The following ZNF608 variants were observed in gnomAD, a reference collection of about 807,000 sequenced individuals.
ZNF608 encodes the protein renal carcinoma antigen NY-REN-36.
Under a neutral mutation model 109.0 loss-of-function variants are expected in ZNF608, and 12 were observed. The ratio of observed to expected loss-of-function variants is 0.11; its 90% CI spans 0.07 to 0.18. The LOEUF (loss-of-function observed/expected upper bound fraction) is 0.18. ZNF608 is among the 10% of genes least tolerant of loss of function. The pLI, the probability that ZNF608 is intolerant of heterozygous loss-of-function variation, is 1.00. For synonymous variants in ZNF608, 732 were observed against 717.4 expected (o/e 1.02, Z -0.33); for missense variants, 1,707 against 1,879.3 (o/e 0.91, Z 1.70).
At chr5:124,746,058 C>T (rs1749628619) in intron 1 of ZNF608, 137 bp downstream of exon 1, 1 of 939,812 alleles carries the variant, frequency 1.1e-6, no homozygotes, top group African/African-American at 1.8e-5. Flanking sequence ...CCTCAATGAC[C>T]GCAAATGAGT....
chr5:124,740,583 T>C (rs1035375355), intron 2 of ZNF608, among the ~76,000 whole-genome samples: 1 of 151,116 alleles, frequency 6.6e-6, no homozygotes, highest in Non-Finnish European at 1.5e-5. Flanking sequence ...CACACTCACT[T>C]AGAAAATGTG....
intron 3 of ZNF608, among the ~76,000 whole-genome samples, chr5:124,697,709 T>A (rs1752907745): frequency 6.6e-6 from 1 of 152,192 alleles, no homozygotes; most frequent in Admixed American, 6.5e-5. Context: ...GGGGAAAGAC[T>A]GACTAAAAGA....
intron 2 of ZNF608, chr5:124,710,755 TC>T (rs1308786021): frequency 6.5e-6 from 1 of 153,798 alleles, no homozygotes; most frequent in African/African-American, 2.4e-5. Flanking sequence ...TCATTCTGAA[TC>T]ACAGTTAAGC....
intron 3 of ZNF608, among the ~76,000 whole-genome samples, chr5:124,663,239 G>T (rs77534570): frequency 4.6e-4 from 70 of 152,242 alleles, no homozygotes; most frequent in Admixed American, 3.3e-3. Flanking sequence ...AAGGCTTTCC[G>T]GTTTTCTTTG....
intron 3 of ZNF608, among the ~76,000 whole-genome samples, chr5:124,691,386 T>C (rs993753384): frequency 1.3e-5 from 2 of 152,122 alleles, no homozygotes; most frequent in Non-Finnish European, 1.5e-5. Context: ...AGCATCACTA[T>C]CCACAAAGGA....
chr5:124,717,067 A>G (rs1285749013), intron 2 of ZNF608, among the ~76,000 whole-genome samples: 5 of 151,458 alleles, frequency 3.3e-5, no homozygotes, highest in African/African-American at 1.2e-4. Context: ...GGGCGACAAC[A>G]GCAAAACTCC....
chr5:124,720,166 A>G (rs1753849398), intron 2 of ZNF608, among the ~76,000 whole-genome samples: 1 of 152,174 alleles, frequency 6.6e-6, no homozygotes, highest in African/African-American at 2.4e-5. Flanking sequence ...TTTTTATTTT[A>G]GAAAAGAAAT....
chr5:124,706,594 A>T (rs955823640), intron 2 of ZNF608, among the ~76,000 whole-genome samples: 5 of 152,210 alleles, frequency 3.3e-5, no homozygotes, highest in African/African-American at 1.2e-4. Flanking sequence ...CAACTGGAAT[A>T]AAATATCAGA....
rs761104713 is a variant in ZNF608, at chr5:124,744,012, GCACACCCC to G, written c.906+64_906+71del. 86 of 1,513,408 alleles carry G rather than the reference GCACACCCC, an allele frequency of 5.7e-5. No homozygotes were observed. Among genetic ancestry groups the G allele is most frequent in the Non-Finnish European group, 7.1e-5 (80 of 1,130,480 alleles). 93.7% of individuals were successfully genotyped at this position (1,513,408 alleles called of 1,614,324 possible). On this transcript the variant is annotated intron_variant, in intron 2 of 9. Coordinates refer to ENST00000513986, the MANE Select transcript of ZNF608 (RefSeq NM_020747.3). This position sits in a 1 kb window ranked among gnomAD's most constrained non-coding sequence, Gnocchi z 4.5. ...AGCATAAAGTGTAAGGCACACAGAGGCACACCCCCACACACCCACACAAATGCACACAG... is the reference window on the plus strand; with the variant it reads ...AGCATAAAGTGTAAGGCACACAGAGGCACACACCCACACAAATGCACACAG...
At chr5:124,747,387 G>A, upstream of ZNF608, among the ~76,000 whole-genome samples, 1 of 151,802 alleles carries the variant, frequency 6.6e-6, no homozygotes, top group East Asian at 1.9e-4. Context: ...TGGAAGTGGA[G>A]AGTCGCTTTG....
chr5:124,745,968 T>C (rs1158997774), intron 1 of ZNF608: 1 of 190,562 alleles, frequency 5.2e-6, no homozygotes, highest in Non-Finnish European at 9.7e-6. Flanking sequence ...AGAGAATTGC[T>C]CACTCTCTTA....
chr5:124,693,233 T>G (rs1752688737), intron 3 of ZNF608, among the ~76,000 whole-genome samples: 1 of 152,216 alleles, frequency 6.6e-6, no homozygotes, highest in Non-Finnish European at 1.5e-5. Context: ...AATGCCTACC[T>G]ATGATTACAA....
chr5:124,670,953 G>A (rs1013680473), intron 3 of ZNF608, among the ~76,000 whole-genome samples: 2 of 152,158 alleles, frequency 1.3e-5, no homozygotes, highest in Non-Finnish European at 2.9e-5. Flanking sequence ...GGTAACCATA[G>A]TTTCTGTATC....
At position 124,728,221 on chromosome 5, in the gene ZNF608, C is replaced by G. The variant is rs539153328; in HGVS notation, c.906+15863G>C. On this transcript the variant is annotated intron_variant, in intron 2 of 9. Transcript: ENST00000513986. ...ACCTTGGTCTTGAAAAGTCGACTCA[C>G]GATGGGATTGAGGTGCTATCTTAAA... is the stretch of plus-strand genomic sequence containing the variant. Among the ~76,000 whole-genome samples the G allele has an allele frequency of 7.9e-5, 12 of 152,222 alleles. No individual in the cohort carries two copies. The East Asian group carries it at 2.3e-3, about 29-fold the overall frequency.
intron 2 of ZNF608, among the ~76,000 whole-genome samples, chr5:124,709,249 G>C (rs1485976984): frequency 1.3e-5 from 2 of 150,138 alleles, no homozygotes; most frequent in African/African-American, 4.9e-5. Flanking sequence ...GGGGGTCACT[G>C]ACTCTTCGTG....
Position 124,644,260 on chromosome 5 carries a change from T to G in ZNF608, c.4107A>C (p.Leu1369=). ...HPAYRAVSPV[L]MHSYPGAYLS... The stretch of plus-strand genomic sequence containing the variant: ...AACACGTACCAGGATAACTGTGCAT[T>G]AGGACGGGAGAAACAGCCCGGTATG... Residue 1369 remains leucine, a synonymous_variant, in exon 6 of 10, where the codon CTA becomes CTC. Coordinates refer to ENST00000513986, the MANE Select transcript of ZNF608 (RefSeq NM_020747.3). 6.2e-7 allele frequency: 1 copy of G among 1,609,602 alleles called. No homozygotes were observed. Among genetic ancestry groups the G allele is most frequent in the East Asian group, 2.2e-5 (1 of 44,748 alleles).
At position 124,648,638 on chromosome 5, in the gene ZNF608, T is replaced by C. The variant is rs1750650176; in HGVS notation, c.1746A>G (p.Glu582=). 1 of 1,614,076 alleles carries C rather than the reference T, an allele frequency of 6.2e-7. No individual in the cohort carries two copies. Among genetic ancestry groups the C allele is most frequent in the African/African-American group, 1.3e-5 (1 of 74,926 alleles). ...YHQAHAHLDP[E]NKLEFEPDSE... is the part of the protein sequence containing the mutation. ...TGTCAGGCTCGAACTCCAGCTTGTTTTCTGGGTCTAAGTGTGCATGAGCCT... is the reference window on the plus strand; with the variant it reads ...TGTCAGGCTCGAACTCCAGCTTGTTCTCTGGGTCTAAGTGTGCATGAGCCT... The change falls in exon 5 of 10, where the codon GAA becomes GAG. Residue 582 remains glutamate (E), a synonymous_variant. Transcript: ENST00000513986.
intron 2 of ZNF608, among the ~76,000 whole-genome samples, chr5:124,741,183 C>T (rs1749379436): frequency 6.6e-6 from 1 of 152,088 alleles, no homozygotes; most frequent in African/African-American, 2.4e-5. Flanking sequence ...GGAGTGGCGA[C>T]TTTTACAACA....
At chr5:124,711,575 C>G (rs978168911) in intron 2 of ZNF608, among the ~76,000 whole-genome samples, 21 of 152,212 alleles carry the variant, frequency 1.4e-4, no homozygotes, top group Non-Finnish European at 2.6e-4. Flanking sequence ...GTATTAACCC[C>G]AGGCCCTCCC....
Sources: allele counts gnomAD v4.1 joint callset (sites outside exome capture counted in the v4.1 genomes callset), GRCh38; gene constraint gnomAD v4.1.1; non-coding constraint Gnocchi (gnomAD v3.1); transcripts MANE v1.5; gene names NCBI Gene and HGNC (gene_info 2026-07-23, HGNC 2026-07-21).